Variants in BTBD1 observed in about 807,000 individuals in gnomAD.
BTBD1 encodes BTB/POZ domain-containing protein 1.
BTBD1 carries 34 observed loss-of-function variants against 48.0 expected under a neutral mutation model. The ratio of observed to expected loss-of-function variants is 0.71; its 90% CI spans 0.54 to 0.94. The LOEUF (loss-of-function observed/expected upper bound fraction) is 0.94, where lower values mean the gene tolerates loss of function less well. Among genes scored for constraint, BTBD1 ranks in the 40% least tolerant of loss-of-function variants. BTBD1 has a pLI of 0.00. For missense variants in BTBD1, 543 were observed against 625.6 expected (o/e 0.87, Z 1.41); for synonymous variants, 261 against 242.1 (o/e 1.08, Z -0.72).
chr15:83,041,654 G>A (rs2151306832), intron 4 of BTBD1, 74 bp downstream of exon 4: 1 of 1,411,482 alleles, frequency 7.1e-7, no homozygotes, highest in Non-Finnish European at 1.0e-6. Flanking sequence ...GATTATAGGT[G>A]TGAGCCACCA....
Position 83,067,213 on chromosome 15 carries a change from T to G in BTBD1, c.-62A>C. 1 of 1,323,288 alleles carries G rather than the reference T, an allele frequency of 7.6e-7. No individual in the cohort carries two copies. Among genetic ancestry groups the G allele is most frequent in the Non-Finnish European group, 9.7e-7 (1 of 1,034,724 alleles). The allele number at this position is 1,323,288 out of a possible 1,614,324, so 82.0% of individuals were successfully genotyped here. A position where few individuals can be genotyped will look rare whatever the true frequency, so the allele number is the denominator to read the frequency against. ...CTCCGCCGCCATCGCCCAGGCCGCC[T>G]CCGGAGGCCGGCGCTGCCTCCCTGC... is the stretch of plus-strand genomic sequence containing the variant. On this transcript the variant is annotated 5_prime_UTR_variant, in exon 1 of 8. Transcript: ENST00000261721.
chr15:83,055,658 C>G (rs2167603), intron 2 of BTBD1, among the ~76,000 whole-genome samples: 105,198 of 152,164 alleles, frequency 0.69, 37,913 homozygotes, highest in African/African-American at 0.9. Flanking sequence ...ACTCCTCCAG[C>G]AGTAGATCAG....
At chr15:83,047,398 C>T (rs2032900623) in intron 3 of BTBD1, among the ~76,000 whole-genome samples, 1 of 152,048 alleles carries the variant, frequency 6.6e-6, no homozygotes, top group African/African-American at 2.4e-5. Context: ...TAATCCTGGC[C>T]AGCGCATATG....
chr15:83,021,448 T>G (rs1156272523), intron 5 of BTBD1, among the ~76,000 whole-genome samples: 1 of 152,108 alleles, frequency 6.6e-6, no homozygotes, highest in Non-Finnish European at 1.5e-5. Context: ...GAATAAAAAC[T>G]GACATTAAAT....
intron 2 of BTBD1, among the ~76,000 whole-genome samples, chr15:83,051,877 T>TATAGACACACACACAC (rs1555441191): frequency 7.2e-6 from 1 of 138,816 alleles, no homozygotes. Context: ...TCCATATATA[T>TATAGACACACACACAC]ACACACACAC....
chr15:83,037,215 A>G (rs993672780), intron 4 of BTBD1, among the ~76,000 whole-genome samples: 3 of 152,170 alleles, frequency 2.0e-5, no homozygotes, highest in African/African-American at 7.2e-5. Flanking sequence ...ACAACAAAAG[A>G]CATGAATAAT....
Position 83,031,493 on chromosome 15 carries a change from G to A in BTBD1, c.863-1165C>T, listed in dbSNP as rs182395763. 1.2e-4 allele frequency among the ~76,000 whole-genome samples: 18 copies of A among 152,232 alleles called. No homozygotes were observed. The East Asian group carries it at 3.3e-3, about 28-fold the overall frequency. On this transcript the variant is annotated intron_variant, in intron 4 of 7. Transcript: ENST00000261721. ...GTCCTTTATAGGGACATGGATGGAGGTGGAGACCATCATTCTCAGTAAACT... is the reference window on the plus strand; with the variant it reads ...GTCCTTTATAGGGACATGGATGGAGATGGAGACCATCATTCTCAGTAAACT...
intron 1 of BTBD1, among the ~76,000 whole-genome samples, chr15:83,057,257 T>C (rs1387566077): frequency 1.3e-5 from 2 of 152,210 alleles, no homozygotes; most frequent in East Asian, 1.9e-4. Flanking sequence ...TTCAGTGCCA[T>C]ACAGTAAGGC....
chr15:83,019,397 C>T (rs1362949497), intron 6 of BTBD1, among the ~76,000 whole-genome samples: 1 of 151,206 alleles, frequency 6.6e-6, no homozygotes, highest in African/African-American at 2.4e-5. Flanking sequence ...TGTTCTGTTG[C>T]CCAGGCTGGT....
At chr15:83,042,568 G>A (rs562713790) in intron 3 of BTBD1, among the ~76,000 whole-genome samples, 8 of 151,900 alleles carry the variant, frequency 5.3e-5, no homozygotes, top group African/African-American at 1.9e-4. Context: ...ATTTTTAGTA[G>A]AGACAGGGTT....
intron 1 of BTBD1, among the ~76,000 whole-genome samples, chr15:83,063,032 G>A (rs1485717973): frequency 3.3e-5 from 5 of 152,118 alleles, no homozygotes; most frequent in Non-Finnish European, 5.9e-5. Flanking sequence ...ACTCTCAATA[G>A]CATTGAGCAT....
At chr15:83,018,586 TC>T in intron 7 of BTBD1, 120 bp downstream of exon 7, 1 of 1,110,824 alleles carries the variant, frequency 9.0e-7, no homozygotes. Context: ...ATATTTTAGC[TC>T]CCAGCTTCTT....
At chr15:83,061,562 A>G (rs1273937481) in intron 1 of BTBD1, 1 of 149,938 alleles carries the variant, frequency 6.7e-6, no homozygotes, top group African/African-American at 2.5e-5. Flanking sequence ...GTGACATTGC[A>G]CCAGTCTGAG....
At chr15:83,058,152 T>C (rs1351573497) in intron 1 of BTBD1, among the ~76,000 whole-genome samples, 1 of 152,232 alleles carries the variant, frequency 6.6e-6, no homozygotes, top group Non-Finnish European at 1.5e-5. Context: ...CCACCCTCCT[T>C]ACTTCCAACT....
rs546969551 is a variant in BTBD1 at position 83,059,502 on chromosome 15, G to A, written c.402-2957C>T. Among the ~76,000 whole-genome samples the A allele has an allele frequency of 4.4e-4, 67 of 152,312 alleles. 2 individuals carry two copies. The highest frequency in any genetic ancestry group is 3.7e-3 in the Admixed American group (57 of 15,300). Reference sequence around the variant, plus strand: ...AGGGGTTGCAGTTAGCTGAGATCACGCCATTGTACTCCAGCCTGGGCGACA... The same window carrying A: ...AGGGGTTGCAGTTAGCTGAGATCACACCATTGTACTCCAGCCTGGGCGACA... On this transcript the variant is annotated intron_variant, in intron 1 of 7. Coordinates refer to ENST00000261721, the MANE Select transcript of BTBD1 (RefSeq NM_025238.4).
chr15:83,065,919 G>C (rs1009328182), intron 1 of BTBD1, among the ~76,000 whole-genome samples: 5 of 152,152 alleles, frequency 3.3e-5, no homozygotes, highest in African/African-American at 1.2e-4. Context: ...ACACAAAGCA[G>C]GTAAAGCCTC....
In BTBD1 at chr15:83,067,230, C is replaced by G. The variant is rs1596447931; in HGVS notation, c.-79G>C. The G allele has an allele frequency of 2.3e-6, 3 of 1,288,278 alleles. No homozygotes were observed. In the East Asian group the frequency reaches 9.1e-5, roughly 39 times the overall value. The allele number at this position is 1,288,278 out of a possible 1,614,324, so 79.8% of individuals were successfully genotyped here. A position where few individuals can be genotyped will look rare whatever the true frequency, so the allele number is the denominator to read the frequency against. The stretch of plus-strand genomic sequence containing the variant: ...AGGCCGCCTCCGGAGGCCGGCGCTG[C>G]CTCCCTGCCTTCCGGGAAAGGCGCT... On this transcript the variant is annotated 5_prime_UTR_variant, in exon 1 of 8. Transcript: ENST00000261721.
chr15:83,057,270 A>C (rs35268079), intron 1 of BTBD1, among the ~76,000 whole-genome samples: 131 of 152,356 alleles, frequency 8.6e-4, no homozygotes, highest in Admixed American at 2.4e-3. Flanking sequence ...AGTAAGGCCA[A>C]GAGGAAATAG....
chr15:83,055,402 C>T (rs928067172), intron 2 of BTBD1, among the ~76,000 whole-genome samples: 4 of 151,652 alleles, frequency 2.6e-5, no homozygotes, highest in Admixed American at 1.3e-4. Flanking sequence ...GGGTTACAGG[C>T]ATGTGCCACC....
Sources: allele counts gnomAD v4.1 joint callset (sites outside exome capture counted in the v4.1 genomes callset), GRCh38; gene constraint gnomAD v4.1.1; transcripts MANE v1.5; gene names NCBI Gene and HGNC (gene_info 2026-07-23, HGNC 2026-07-21).